Variants in LHFPL2 observed in about 807,000 individuals in gnomAD.
The protein encoded by LHFPL2 is LHFPL tetraspan subfamily member 2 protein.
LHFPL2 carries 7 observed loss-of-function variants against 17.5 expected under a neutral mutation model. The observed-to-expected ratio is 0.40, with a 90% CI of 0.23 to 0.75. LHFPL2 has a LOEUF of 0.75. Ranked by LOEUF, LHFPL2 falls within the 30% of genes least tolerant of loss-of-function variation. The probability of loss-of-function intolerance (pLI) is 0.37; values close to 1 mark genes in which losing one functional copy is unlikely to be tolerated. For synonymous variants in LHFPL2, 134 were observed against 116.2 expected, an observed-to-expected ratio of 1.15 and a Z score of -0.99; for missense variants, 241 against 294.8, an observed-to-expected ratio of 0.82 and a Z score of 1.34.
rs1755048787 is a variant in LHFPL2 at position 78,509,827 on chromosome 5, C to A, written c.387G>T (p.Lys129Asn). Reference sequence around the variant, plus strand: ...GCCCACAGACATTGAAGATGCTTTTCTTCATGATGCTCTGTACACACATGG... The same window carrying A: ...GCCCACAGACATTGAAGATGCTTTTATTCATGATGCTCTGTACACACATGG... ...VFTMCVQSIM[K>N]KSIFNVCGLL... Residue 129 changes from lysine (K) to asparagine (N), a missense_variant, in exon 4 of 5, where the codon AAG (lysine) becomes AAT (asparagine). Physicochemically the swap from Lys to Asn is moderately conservative, Grantham distance 94. Coordinates refer to ENST00000380345, the MANE Select transcript of LHFPL2 (RefSeq NM_005779.3). The A allele has an allele frequency of 6.2e-7, 1 of 1,613,832 alleles. No individual in the cohort carries two copies. The highest frequency in any genetic ancestry group is 8.5e-7 in the Non-Finnish European group (1 of 1,179,720).
intron 4 of LHFPL2, chr5:78,494,486 C>T (rs371682855): frequency 9.1e-6 from 9 of 985,320 alleles, no homozygotes; most frequent in South Asian, 9.4e-5. Context: ...GGTTAGAAGA[C>T]GTTAGCATCT....
At chr5:78,639,876 C>T (rs1745608098) in intron 1 of LHFPL2, among the ~76,000 whole-genome samples, 1 of 152,166 alleles carries the variant, frequency 6.6e-6, no homozygotes, top group Non-Finnish European at 1.5e-5. Context: ...GTGCCATGCA[C>T]CACTTATCTG....
chr5:78,587,774 C>T (rs986642070), intron 2 of LHFPL2, among the ~76,000 whole-genome samples: 6 of 152,204 alleles, frequency 3.9e-5, no homozygotes, highest in Non-Finnish European at 5.9e-5. Context: ...CAGAAAGCGC[C>T]GATTAGCATT....
intron 4 of LHFPL2, among the ~76,000 whole-genome samples, chr5:78,496,242 G>A (rs1349582935): frequency 3.3e-5 from 5 of 152,152 alleles, no homozygotes; most frequent in Admixed American, 2.0e-4. Context: ...AGCACACTTC[G>A]TGACACTTTT....
chr5:78,581,111 T>C, intron 2 of LHFPL2, among the ~76,000 whole-genome samples: 1 of 152,324 alleles, frequency 6.6e-6, no homozygotes, highest in South Asian at 2.1e-4. Flanking sequence ...TTGAAGCAAT[T>C]GTGAATGGGA....
chr5:78,520,864 C>A (rs1755437046), intron 3 of LHFPL2, among the ~76,000 whole-genome samples: 1 of 152,242 alleles, frequency 6.6e-6, no homozygotes. Flanking sequence ...TGGACCCTGC[C>A]ATTAAAGGAC....
rs1230513011 is a variant in LHFPL2, at chr5:78,488,735, T to C, written c.*162A>G. 4 of 712,134 alleles carry C rather than the reference T, an allele frequency of 5.6e-6. No individual in the cohort carries two copies. Among genetic ancestry groups the C allele is most frequent in the African/African-American group, 3.6e-5 (2 of 55,996 alleles). The allele number at this position is 712,134 out of a possible 1,614,324, so 44.1% of individuals were successfully genotyped here. A position where few individuals can be genotyped will look rare whatever the true frequency, so the allele number is the denominator to read the frequency against. On this transcript the variant is annotated 3_prime_UTR_variant, in exon 5 of 5. Transcript: ENST00000380345. ...ACTGCAGACCGCATGTCCAGTAACT[T>C]TGCGTAGCTGGATGTGGCCTCTCAT...
At chr5:78,555,044 T>C (rs1442756428) in intron 3 of LHFPL2, among the ~76,000 whole-genome samples, 1 of 152,224 alleles carries the variant, frequency 6.6e-6, no homozygotes, top group Non-Finnish European at 1.5e-5. Flanking sequence ...TTGCCTGAGT[T>C]CCCTGGGAGG....
rs1755044444 is a variant in LHFPL2, at chr5:78,509,708, G to A, written c.430+76C>T. On this transcript the variant is annotated intron_variant, in intron 4 of 4. Coordinates refer to ENST00000380345, the MANE Select transcript of LHFPL2 (RefSeq NM_005779.3). The stretch of plus-strand genomic sequence containing the variant: ...TCTCCAAAACTAGCAGGAAGCGAAT[G>A]CCCAGTACCAGAGTGCGCTGCACCG... 7.1e-6 allele frequency: 10 copies of A among 1,418,330 alleles called. No homozygotes were observed. The South Asian group carries it at 1.0e-4, about 15-fold the overall frequency. The allele number at this position is 1,418,330 out of a possible 1,614,324, so 87.9% of individuals were successfully genotyped here. A position where few individuals can be genotyped will look rare whatever the true frequency, so the allele number is the denominator to read the frequency against.
chr5:78,616,334 A>G (rs1353567291), intron 2 of LHFPL2, among the ~76,000 whole-genome samples: 2 of 151,990 alleles, frequency 1.3e-5, no homozygotes, highest in Non-Finnish European at 2.9e-5. Flanking sequence ...TCACCGTGTT[A>G]GCCAGGATGA....
intron 3 of LHFPL2, among the ~76,000 whole-genome samples, chr5:78,529,074 G>A (rs1755703185): frequency 6.6e-6 from 1 of 151,282 alleles, no homozygotes; most frequent in South Asian, 2.1e-4. Context: ...GAGGCCAGGC[G>A]TTCAACAGCC....
Position 78,509,914 on chromosome 5 carries a change from T to C in LHFPL2, c.300A>G (p.Thr100=). 3 of 1,613,668 alleles carry C rather than the reference T, an allele frequency of 1.9e-6. No individual in the cohort carries two copies. The change falls in exon 4 of 5, where the codon ACA becomes ACG. Residue 100 remains threonine (T), a synonymous_variant. Coordinates refer to ENST00000380345, the MANE Select transcript of LHFPL2 (RefSeq NM_005779.3). ...GEIASGFWQA[T]AIFLAVGIFI... ...AGATTCCCACAGCCAGGAAAATAGC[T>C]GTGGCCTGCCAGAAGCCGCTGGCGA...
intron 3 of LHFPL2, among the ~76,000 whole-genome samples, chr5:78,553,760 T>C (rs1163626801): frequency 2.0e-5 from 3 of 152,196 alleles, no homozygotes; most frequent in Admixed American, 6.5e-5. Context: ...CAGACTTCCG[T>C]CAGATTTTTG....
At chr5:78,613,939 T>A (rs1343489371) in intron 2 of LHFPL2, among the ~76,000 whole-genome samples, 1 of 152,154 alleles carries the variant, frequency 6.6e-6, no homozygotes, top group Non-Finnish European at 1.5e-5. Context: ...GCTATCTCTG[T>A]AAGAGAGCCC....
intron 1 of LHFPL2, among the ~76,000 whole-genome samples, chr5:78,640,844 G>T (rs1324977960): frequency 6.6e-6 from 1 of 152,188 alleles, no homozygotes; most frequent in Non-Finnish European, 1.5e-5. Flanking sequence ...AGGAGTAACG[G>T]TTGTGCCTGC....
At chr5:78,500,190 A>G (rs78874503) in intron 4 of LHFPL2, among the ~76,000 whole-genome samples, 1,688 of 152,348 alleles carry the variant, frequency 0.011, 10 homozygotes, top group Non-Finnish European at 0.018. Context: ...CCAATTAGAC[A>G]AAATTGGGCA....
chr5:78,648,743 C>T lies in LHFPL2; in HGVS notation c.-594G>A. 1 of 151,956 alleles carries T rather than the reference C, an allele frequency of 6.6e-6. No homozygotes were observed. The highest frequency in any genetic ancestry group is 1.5e-5 in the Non-Finnish European group (1 of 68,184). The allele number at this position is 151,956 out of a possible 1,614,324, so 9.4% of individuals were successfully genotyped here. On this transcript the variant is annotated 5_prime_UTR_variant, in exon 1 of 5. Transcript: ENST00000380345. This position sits in a 1 kb window ranked among gnomAD's most constrained non-coding sequence, Gnocchi z 5.4. ...GGCGAGAGAGCGCCAAGCTCGGCGG[C>T]CGCCCGGGCTAGCACTCGGGGAGAG...
At chr5:78,523,167 G>A (rs1468581135) in intron 3 of LHFPL2, among the ~76,000 whole-genome samples, 1 of 151,696 alleles carries the variant, frequency 6.6e-6, no homozygotes, top group Non-Finnish European at 1.5e-5. Flanking sequence ...GAAAATGAAG[G>A]GGCGAGTGAT....
intron 2 of LHFPL2, among the ~76,000 whole-genome samples, chr5:78,570,636 A>ATATATATATACGTATATATATAG (rs1441898516): frequency 2.3e-4 from 34 of 145,754 alleles, no homozygotes; most frequent in African/African-American, 8.7e-4. Flanking sequence ...TATATATAGT[A>ATATATATATACGTATATATATAG]TATATATATA....
Sources: allele counts gnomAD v4.1 joint callset (sites outside exome capture counted in the v4.1 genomes callset), GRCh38; gene constraint gnomAD v4.1.1; non-coding constraint Gnocchi (gnomAD v3.1); transcripts MANE v1.5; gene names NCBI Gene and HGNC (gene_info 2026-07-23, HGNC 2026-07-21).